The following CDC42BPB variants were observed in gnomAD, a reference collection of about 807,000 sequenced individuals.
CDC42BPB encodes the protein CDC42 binding protein kinase beta.
A neutral mutation model predicts 214.9 loss-of-function variants in CDC42BPB; 37 were observed. The ratio of observed to expected loss-of-function variants is 0.17; its 90% CI spans 0.13 to 0.23. The LOEUF (loss-of-function observed/expected upper bound fraction) is 0.23. CDC42BPB is among the 10% of genes least tolerant of loss of function. The pLI is 1.00. For missense variants in CDC42BPB, 1,694 were observed against 2,227.0 expected (o/e 0.76, Z 4.82); for synonymous variants, 931 against 884.0 (o/e 1.05, Z -0.94).
intron 21 of CDC42BPB, among the ~76,000 whole-genome samples, chr14:102,957,055 G>A (rs1319385410): frequency 7.1e-6 from 1 of 140,616 alleles, no homozygotes; most frequent in African/African-American, 2.6e-5. Context: ...AAAAAAATTA[G>A]CCGGGCATAG....
chr14:102,948,080 C>G lies in CDC42BPB; in HGVS notation c.3450-278G>C, dbSNP rs528355785. On this transcript the variant is annotated intron_variant, in intron 26 of 36. Coordinates refer to ENST00000361246, the MANE Select transcript of CDC42BPB (RefSeq NM_006035.4). ...CAGACTATGCCAGTTACAGAAGACTCGGTTTGCACTTGGCACAGCCAGGCA... is the reference window on the plus strand; with the variant it reads ...CAGACTATGCCAGTTACAGAAGACTGGGTTTGCACTTGGCACAGCCAGGCA... The G allele has an allele frequency of 9.8e-5, 53 of 540,112 alleles. No individual in the cohort carries two copies. The South Asian group carries it at 4.2e-3, about 43-fold the overall frequency. The allele number at this position is 540,112 out of a possible 1,614,324, so 33.5% of individuals were successfully genotyped here. A position where few individuals can be genotyped will look rare whatever the true frequency, so the allele number is the denominator to read the frequency against.
At chr14:102,968,878 G>C (rs539574078) in intron 14 of CDC42BPB, 162 bp from the exon 15 acceptor site, 1 of 985,360 alleles carries the variant, frequency 1.0e-6, no homozygotes, top group African/African-American at 1.7e-5. Context: ...ACGTGATCCA[G>C]GTTCTAGGGG....
rs568125990 is a variant in CDC42BPB, at chr14:103,001,264, G to A, written c.448-1551C>T. Among the ~76,000 whole-genome samples the A allele has an allele frequency of 1.3e-5, 2 of 152,146 alleles. No individual in the cohort carries two copies. Among genetic ancestry groups the A allele is most frequent in the Non-Finnish European group, 2.9e-5 (2 of 68,022 alleles). On this transcript the variant is annotated intron_variant, in intron 4 of 36. Transcript: ENST00000361246. The surrounding 1 kb of genome is among the most constrained non-coding windows in gnomAD (Gnocchi z 5.8). ...GCTCGTGCACCCTCACTGTGGCCCC[G>A]CCAGCCCCTCTGGCAACAGGGGTGC...
At chr14:102,974,463 C>A (rs1893645427) in intron 11 of CDC42BPB, 7 of 677,272 alleles carry the variant, frequency 1.0e-5, no homozygotes, top group Non-Finnish European at 1.3e-5. Context: ...ACCTGTGTCA[C>A]CCAGCACAGT....
chr14:103,008,683 T>C (rs1182319807), intron 2 of CDC42BPB, 128 bp from the exon 3 acceptor site: 2 of 1,468,200 alleles, frequency 1.4e-6, no homozygotes, highest in Non-Finnish European at 1.8e-6. Context: ...GAAAGCCAAG[T>C]TTCCCACCTA....
intron 1 of CDC42BPB, among the ~76,000 whole-genome samples, chr14:103,024,828 C>T (rs929694410): frequency 1.8e-4 from 28 of 152,304 alleles, no homozygotes; most frequent in African/African-American, 6.3e-4. Context: ...ATCTGCCCAC[C>T]TCGGCCTTCC....
In CDC42BPB at chr14:102,993,550, A is replaced by AGAGG. The variant is rs151086257; in HGVS notation, c.596+6011_596+6014dup. ...TGAGAGGATGGAAGGATGGAGGGAA[A>AGAGG]GAGGGAGGGAGGGAGGGGAAATGAA... On this transcript the variant is annotated intron_variant, in intron 5 of 36. Transcript: ENST00000361246. Among the ~76,000 whole-genome samples the AGAGG allele has an allele frequency of 9.3e-3, 1,354 of 146,324 alleles. 21 individuals are homozygous for AGAGG. The highest frequency in any genetic ancestry group is 0.031 in the African/African-American group (1,237 of 40,386).
chr14:102,948,060 TA>T (rs1892267360), intron 26 of CDC42BPB: 2 of 725,188 alleles, frequency 2.8e-6, no homozygotes, highest in Middle Eastern at 6.8e-4. Flanking sequence ...GCCTCCAGAC[TA>T]TGCCAGTTAC....
At position 102,944,760 on chromosome 14, in the gene CDC42BPB, A is replaced by G; in HGVS notation, c.3812-273T>C. On this transcript the variant is annotated intron_variant, in intron 29 of 36. Coordinates refer to ENST00000361246, the MANE Select transcript of CDC42BPB (RefSeq NM_006035.4). The surrounding 1 kb of genome is among the most constrained non-coding windows in gnomAD (Gnocchi z 6.6). ...GGCTCCTCTGCCTCTGCTGCTGTGC[A>G]CACCCCTCAGTGCACCAGGGCTCCA... The G allele has an allele frequency of 2.7e-6, 2 of 737,586 alleles. No homozygotes were observed. Among genetic ancestry groups the G allele is most frequent in the Non-Finnish European group, 3.3e-6 (2 of 603,980 alleles). 45.7% of individuals were successfully genotyped at this position (737,586 alleles called of 1,614,324 possible). A position where few individuals can be genotyped will look rare whatever the true frequency, so the allele number is the denominator to read the frequency against.
rs34846220 is a variant in CDC42BPB, at chr14:103,003,508, C to G, written c.447+420G>C. 4.5e-4 allele frequency among the ~76,000 whole-genome samples: 68 copies of G among 152,358 alleles called. 1 individual carries two copies. The East Asian group carries it at 5.8e-3, about 13-fold the overall frequency. ...TGTCGAAAGGGCCTGGGGCACCCCC[C>G]CCACCGCGGGAAGACAGGAGGACTG... is the stretch of plus-strand genomic sequence containing the variant. On this transcript the variant is annotated intron_variant, in intron 4 of 36. Transcript: ENST00000361246.
At chr14:102,936,025 G>T (rs886307565) in intron 36 of CDC42BPB, among the ~76,000 whole-genome samples, 5 of 152,166 alleles carry the variant, frequency 3.3e-5, no homozygotes, top group African/African-American at 1.2e-4. Flanking sequence ...AGTCTTTAGA[G>T]AATGCAAATC....
chr14:102,998,780 G>A (rs1331813091), intron 5 of CDC42BPB, among the ~76,000 whole-genome samples: 6 of 152,162 alleles, frequency 3.9e-5, no homozygotes, highest in Non-Finnish European at 7.4e-5. Context: ...GGTCAGCACG[G>A]CACAGAGAAG....
chr14:103,020,789 T>G (rs1219866996), intron 1 of CDC42BPB, among the ~76,000 whole-genome samples: 1 of 152,252 alleles, frequency 6.6e-6, no homozygotes, highest in Non-Finnish European at 1.5e-5. Context: ...GGCTTGGAAT[T>G]TATTCTTACG....
intron 8 of CDC42BPB, 67 bp from the exon 9 acceptor site, chr14:102,978,272 T>A: frequency 1.2e-6 from 2 of 1,600,800 alleles, no homozygotes; most frequent in Non-Finnish European, 1.7e-6. Flanking sequence ...AGAGGAAAGA[T>A]GGTTACAGTC....
intron 1 of CDC42BPB, among the ~76,000 whole-genome samples, chr14:103,032,534 G>C (rs1374137563): frequency 1.4e-4 from 3 of 22,080 alleles, no homozygotes; most frequent in Admixed American, 9.9e-4. Context: ...CAAATAAACT[G>C]CAAAAAAAAA....
intron 2 of CDC42BPB, 162 bp from the exon 3 acceptor site, chr14:103,008,717 G>GAACCT (rs1885984420): frequency 1.0e-6 from 1 of 984,608 alleles, no homozygotes; most frequent in East Asian, 1.1e-4. Context: ...CCTGCATCAA[G>GAACCT]AACCTTTTCT....
chr14:102,937,636 A>G (rs1473831881), intron 36 of CDC42BPB, among the ~76,000 whole-genome samples: 1 of 152,216 alleles, frequency 6.6e-6, no homozygotes. Context: ...CTGAGGCCAG[A>G]GCAGTGTGGC....
rs1181332127 is a variant in CDC42BPB at position 102,952,600 on chromosome 14, T to C, written c.3070A>G (p.Lys1024Glu). The C allele has an allele frequency of 6.2e-7, 1 of 1,613,470 alleles. No individual in the cohort carries two copies. Among genetic ancestry groups the C allele is most frequent in the South Asian group, 1.1e-5 (1 of 90,912 alleles). The change falls in exon 24 of 37, where the codon AAA (lysine) becomes GAA (glutamate). Residue 1024 changes from lysine (K) to glutamate (E), a missense_variant. Coordinates refer to ENST00000361246, the MANE Select transcript of CDC42BPB (RefSeq NM_006035.4). ...GACTTGATGCTGAACTGGTGAGCTT[T>C]TGGCTGGAAGGAGAAAATCAAGAAC... The part of the protein sequence containing the change: ...QALALAGPKP[K>E]AHQFSIKSFS...
intron 30 of CDC42BPB, chr14:102,940,692 C>G: frequency 6.1e-6 from 2 of 328,220 alleles, no homozygotes; most frequent in Non-Finnish European, 1.2e-5. Context: ...TAGGGGCCGA[C>G]TGTTCAGTAT....
Sources: gnomAD v4.1 joint callset for allele counts (sites outside exome capture counted in the v4.1 genomes callset) on GRCh38, gnomAD v4.1.1 for gene constraint, Gnocchi (gnomAD v3.1) non-coding constraint, MANE v1.5 for transcripts, NCBI Gene and HGNC (gene_info 2026-07-23, HGNC 2026-07-21) for gene names.